Variants in PCSK5 observed in about 807,000 individuals in gnomAD.
PCSK5 encodes the protein prohormone convertase 5.
A neutral mutation model predicts 233.2 loss-of-function variants in PCSK5; 129 were observed. That is an observed-to-expected ratio of 0.55 (90% CI 0.48 to 0.64). The LOEUF (loss-of-function observed/expected upper bound fraction) is 0.64. PCSK5 is among the 30% of genes least tolerant of loss of function. The pLI is 0.00. For synonymous variants in PCSK5, 825 were observed against 879.2 expected (o/e 0.94, Z 1.09); for missense variants, 2,076 against 2,430.1 (o/e 0.85, Z 3.06).
chr9:76,261,487 C>A (rs1010925224), intron 24 of PCSK5, among the ~76,000 whole-genome samples: 45 of 152,228 alleles, frequency 3.0e-4, no homozygotes, highest in South Asian at 6.2e-4. Context: ...AATGTTCAAG[C>A]TGAGGGCCAA....
intron 24 of PCSK5, among the ~76,000 whole-genome samples, chr9:76,283,703 T>C (rs563975133): frequency 6.6e-6 from 1 of 152,328 alleles, no homozygotes; most frequent in East Asian, 1.9e-4. Context: ...TATTAAGGCA[T>C]AACCAATGAT....
intron 35 of PCSK5, among the ~76,000 whole-genome samples, chr9:76,344,170 C>T (rs895353537): frequency 1.3e-5 from 2 of 152,142 alleles, no homozygotes; most frequent in Non-Finnish European, 2.9e-5. Context: ...TTGGACACCA[C>T]AGTAATAACC....
At chr9:76,213,476 G>A (rs1044860314) in intron 20 of PCSK5, among the ~76,000 whole-genome samples, 1 of 152,098 alleles carries the variant, frequency 6.6e-6, no homozygotes, top group Non-Finnish European at 1.5e-5. Flanking sequence ...GAGATCTGAT[G>A]GCTCAATTTT....
At chr9:76,193,495 A>T (rs965868193) in intron 20 of PCSK5, 6 of 637,702 alleles carry the variant, frequency 9.4e-6, no homozygotes, top group Admixed American at 3.4e-5. Flanking sequence ...TCTCTCTCTC[A>T]AGTTTGTGCA....
intron 20 of PCSK5, among the ~76,000 whole-genome samples, chr9:76,205,026 C>T (rs545433098): frequency 3.3e-5 from 5 of 152,274 alleles, no homozygotes; most frequent in South Asian, 2.1e-4. Flanking sequence ...TCAAAATATG[C>T]TACAAGTCTA....
At chr9:76,155,342 A>T (rs1409963230) in intron 10 of PCSK5, among the ~76,000 whole-genome samples, 1 of 152,232 alleles carries the variant, frequency 6.6e-6, no homozygotes, top group Non-Finnish European at 1.5e-5. Context: ...AGCAAATCGC[A>T]TAATTAAGGC....
chr9:76,295,369 C>T lies in PCSK5; in HGVS notation c.3280C>T (p.Gln1094Ter), dbSNP rs1828406992. The change falls in exon 26 of 38, where the codon CAG becomes TAG. Residue 1094 changes from glutamine to a stop codon, truncating the protein, a stop_gained. Transcript: ENST00000674117. LOFTEE classifies it high-confidence loss of function. Reference protein sequence around the residue: ...ACDSNCGSCDQNGCYWCEEGF... With the variant: ...ACDSNCGSCD ...TGATAGTAACTGTGGCAGCTGTGAC[C>T]AGAATGGGTGTTACTGGTGTGAAGA... 2.5e-6 allele frequency: 4 copies of T among 1,612,310 alleles called. No individual in the cohort carries two copies. Among genetic ancestry groups the T allele is most frequent in the Middle Eastern group, 1.6e-4 (1 of 6,062 alleles).
intron 27 of PCSK5, among the ~76,000 whole-genome samples, chr9:76,301,453 G>A (rs1451189968): frequency 2.6e-5 from 4 of 152,102 alleles, no homozygotes; most frequent in South Asian, 2.1e-4. Context: ...GCAGCTTTAC[G>A]ATTTTAAAAA....
chr9:76,016,499 C>T (rs1827954280), intron 3 of PCSK5, among the ~76,000 whole-genome samples: 1 of 152,116 alleles, frequency 6.6e-6, no homozygotes, highest in Non-Finnish European at 1.5e-5. Context: ...CCTGGCAGCT[C>T]CAGAGAGTTA....
At chr9:76,186,127 TATC>T (rs772597386) in intron 17 of PCSK5, among the ~76,000 whole-genome samples, 11 of 152,158 alleles carry the variant, frequency 7.2e-5, no homozygotes, top group African/African-American at 1.2e-4. Flanking sequence ...TCTAAAATAT[TATC>T]ATTTCAACAA....
At chr9:76,086,533 A>G (rs1831071814) in intron 7 of PCSK5, among the ~76,000 whole-genome samples, 2 of 152,228 alleles carry the variant, frequency 1.3e-5, no homozygotes, top group Non-Finnish European at 2.9e-5. Context: ...ATGAATTGAC[A>G]TCGAGGGACT....
intron 20 of PCSK5, among the ~76,000 whole-genome samples, chr9:76,210,030 G>A (rs2131283696): frequency 6.6e-6 from 1 of 152,242 alleles, no homozygotes; most frequent in Middle Eastern, 3.4e-3. Flanking sequence ...ATGGGCTTGG[G>A]GGACTGGAAG....
intron 2 of PCSK5, among the ~76,000 whole-genome samples, chr9:75,934,264 AT>A (rs1823947340): frequency 2.6e-5 from 4 of 152,276 alleles, no homozygotes; most frequent in Middle Eastern, 3.4e-3. Context: ...CTCCATTCCA[AT>A]GCCGTCTGCT....
chr9:75,922,996 AGGC>A, intron 1 of PCSK5, among the ~76,000 whole-genome samples: 1 of 152,196 alleles, frequency 6.6e-6, no homozygotes, highest in Non-Finnish European at 1.5e-5. Context: ...TAAACTAATG[AGGC>A]CTTATATTAG....
In PCSK5 at chr9:75,911,576, C is replaced by G. The variant is rs1323767377; in HGVS notation, c.192+20203C>G. Among the ~76,000 whole-genome samples, 4 of 152,136 alleles carry G rather than the reference C, an allele frequency of 2.6e-5. No individual in the cohort carries two copies. In the East Asian group the frequency reaches 5.8e-4, roughly 22 times the overall value. On this transcript the variant is annotated intron_variant, in intron 1 of 37. Transcript: ENST00000674117. ...TTGCTTAGAAATAAATCACCCGAAA[C>G]TCAGTGGTTTAACACCACAGTCATT...
intron 2 of PCSK5, among the ~76,000 whole-genome samples, chr9:75,984,469 G>T (rs72733278): frequency 0.039 from 5,922 of 152,252 alleles, 170 homozygotes; most frequent in Non-Finnish European, 0.055. Context: ...GAAAAGAGTT[G>T]TCTAAGCAGC....
At chr9:76,316,852 A>G (rs1829047492) in intron 30 of PCSK5, among the ~76,000 whole-genome samples, 1 of 151,768 alleles carries the variant, frequency 6.6e-6, no homozygotes, top group East Asian at 1.9e-4. Flanking sequence ...GGCATATAAC[A>G]CATTGCCTGT....
At chr9:76,046,933 T>G (rs1301612085) in intron 5 of PCSK5, among the ~76,000 whole-genome samples, 1 of 152,188 alleles carries the variant, frequency 6.6e-6, no homozygotes, top group African/African-American at 2.4e-5. Context: ...AAGGAGTTTC[T>G]GTATGTCCCA....
chr9:76,342,081 A>G (rs1270510733), intron 35 of PCSK5, among the ~76,000 whole-genome samples: 1 of 152,164 alleles, frequency 6.6e-6, no homozygotes, highest in Non-Finnish European at 1.5e-5. Flanking sequence ...TATGTTCCAA[A>G]GAGATTTCAT....
Sources: allele counts gnomAD v4.1 joint callset (sites outside exome capture counted in the v4.1 genomes callset), GRCh38; gene constraint gnomAD v4.1.1; transcripts MANE v1.5; gene names NCBI Gene and HGNC (gene_info 2026-07-23, HGNC 2026-07-21).